The following B3GAT1 variants were observed in gnomAD, a reference collection of about 807,000 sequenced individuals.
B3GAT1 encodes galactosylgalactosylxylosylprotein 3-beta-glucuronosyltransferase 1.
Under a neutral mutation model 28.4 loss-of-function variants are expected in B3GAT1, and 11 were observed. The observed-to-expected ratio is 0.39, with a 90% confidence interval of 0.24 to 0.64. B3GAT1 has a LOEUF of 0.64. Among genes scored for constraint, B3GAT1 ranks in the 30% least tolerant of loss-of-function variants. The probability of loss-of-function intolerance (pLI) is 0.50; values close to 1 mark genes in which losing one functional copy is unlikely to be tolerated. For missense variants in B3GAT1, 375 were observed against 491.0 expected, an observed-to-expected ratio of 0.76 and a Z score of 2.23; for synonymous variants, 255 against 223.1, an observed-to-expected ratio of 1.14 and a Z score of -1.27.
chr11:134,399,320 C>CA (rs1944564088), intron 1 of B3GAT1, among the ~76,000 whole-genome samples: 1 of 152,224 alleles, frequency 6.6e-6, no homozygotes, highest in Non-Finnish European at 1.5e-5. Context: ...ACACACCAAC[C>CA]AACCTGCTCC....
Position 134,384,123 on chromosome 11 carries a change from C to G in B3GAT1, c.178G>C (p.Asp60His), listed in dbSNP as rs1451695136. Residue 60 changes from aspartate (D) to histidine (H), a missense_variant, in exon 3 of 6, where the codon GAC becomes CAC. Physicochemically the swap from Asp to His is moderately conservative, Grantham distance 81. Coordinates refer to ENST00000312527, the MANE Select transcript of B3GAT1 (RefSeq NM_054025.3). ...CGCACCACCTCCACGATGTCGCGGTCAGACGTGCAGTACTCCCTGGGGTCG... is the reference window on the plus strand; with the variant it reads ...CGCACCACCTCCACGATGTCGCGGTGAGACGTGCAGTACTCCCTGGGGTCG... ...GADPREYCTS[D>H]RDIVEVVRTE... 2 of 1,584,448 alleles carry G rather than the reference C, an allele frequency of 1.3e-6. No individual in the cohort carries two copies. Among genetic ancestry groups the G allele is most frequent in the Non-Finnish European group, 1.7e-6 (2 of 1,165,578 alleles).
chr11:134,392,256 ACCCATGGAACTGAGTCCTGACTTAAGGG>A (rs1466647983), intron 1 of B3GAT1: 18 of 151,344 alleles, frequency 1.2e-4, no homozygotes, highest in East Asian at 5.8e-4. Flanking sequence ...AAGGGCCAGC[ACCCATGGAACTGAGTCCTGACTTAAGGG>A]CCCGTGGAAC....
At chr11:134,394,087 G>T (rs138636459) in intron 1 of B3GAT1, among the ~76,000 whole-genome samples, 1 of 152,144 alleles carries the variant, frequency 6.6e-6, no homozygotes, top group Non-Finnish European at 1.5e-5. Context: ...AGCCCTGCTG[G>T]GGGGCAGGAC....
intron 1 of B3GAT1, among the ~76,000 whole-genome samples, chr11:134,404,344 G>A (rs1433601521): frequency 4.6e-5 from 7 of 152,042 alleles, no homozygotes; most frequent in Admixed American, 2.6e-4. Context: ...TCCAATGGCC[G>A]AGATGAGACA....
At position 134,381,718 on chromosome 11, in the gene B3GAT1, C is replaced by T. The variant is rs1944126850; in HGVS notation, c.*14+206G>A. The T allele has an allele frequency of 4.3e-5, 24 of 563,718 alleles. No individual in the cohort carries two copies. In the South Asian group the frequency reaches 5.3e-4, roughly 12 times the overall value. 34.9% of individuals were successfully genotyped at this position (563,718 alleles called of 1,614,324 possible). A position where few individuals can be genotyped will look rare whatever the true frequency, so the allele number is the denominator to read the frequency against. On this transcript the variant is annotated intron_variant, in intron 5 of 5. Transcript: ENST00000312527. ...TCTGAAGAGTCTGGTGGCAGAAGGACCCAGCTGCGTGGGTGAAAGTTAATG... is the reference window on the plus strand; with the variant it reads ...TCTGAAGAGTCTGGTGGCAGAAGGATCCAGCTGCGTGGGTGAAAGTTAATG...
At chr11:134,392,202 G>A (rs1171722114) in intron 1 of B3GAT1, 2 of 152,266 alleles carry the variant, frequency 1.3e-5, no homozygotes, top group Admixed American at 6.6e-5. Context: ...GTGGAACTGA[G>A]TCCTGACTTA....
At chr11:134,384,251 C>G in intron 2 of B3GAT1, 63 bp from the exon 3 acceptor site, 1 of 1,480,022 alleles carries the variant, frequency 6.8e-7, no homozygotes, top group East Asian at 2.4e-5. Flanking sequence ...GGATTCAGAG[C>G]GGGACGCCAC....
chr11:134,386,633 G>C (rs147620288), intron 2 of B3GAT1: 28 of 152,290 alleles, frequency 1.8e-4, no homozygotes, highest in Admixed American at 1.4e-3. Context: ...CACAGGAAAA[G>C]AAGAGAGGCA....
intron 1 of B3GAT1, among the ~76,000 whole-genome samples, chr11:134,406,076 C>T (rs965379015): frequency 1.1e-4 from 16 of 152,254 alleles, no homozygotes; most frequent in Admixed American, 5.9e-4. Context: ...GAGTTGCAGA[C>T]GCAGCTGGGA....
In B3GAT1 at chr11:134,382,784, A is replaced by G. The variant is rs1944164799; in HGVS notation, c.844T>C (p.Tyr282His). The change falls in exon 4 of 6, where the codon TAC (tyrosine) becomes CAC (histidine). Residue 282 changes from tyrosine (Y) to histidine (H), a missense_variant. Tyr to His is a moderately conservative substitution (Grantham distance 83). Transcript: ENST00000312527. The stretch of plus-strand genomic sequence containing the variant: ...TCTCGAAGGAGGCTGCTTTCCTGGT[A>G]GCCTCCCTTCACACCTCGCAGCTTG... ...YFKLRGVKGG[Y>H]QESSLLRELV... 6.2e-7 allele frequency: 1 copy of G among 1,614,056 alleles called. No homozygotes were observed. Among genetic ancestry groups the G allele is most frequent in the Non-Finnish European group, 8.5e-7 (1 of 1,180,024 alleles).
chr11:134,397,335 C>G (rs1944524606), intron 1 of B3GAT1, among the ~76,000 whole-genome samples: 1 of 152,220 alleles, frequency 6.6e-6, no homozygotes. Context: ...ACGTACCCAG[C>G]CTGGCACTCA....
intron 2 of B3GAT1, chr11:134,386,802 T>G (rs939491390): frequency 9.8e-5 from 15 of 152,306 alleles, no homozygotes; most frequent in Admixed American, 8.5e-4. Flanking sequence ...TGTGTATTAA[T>G]GATGTTTGTT....
chr11:134,383,124 C>CA, intron 3 of B3GAT1, 118 bp from the exon 4 acceptor site: 1 of 1,180,776 alleles, frequency 8.5e-7, no homozygotes, highest in Non-Finnish European at 1.2e-6. Flanking sequence ...CAGCCGCGGC[C>CA]ACCTAGGGGG....
Position 134,387,916 on chromosome 11 carries a change from G to T in B3GAT1, c.-257C>A, listed in dbSNP as rs1944329704. ...AAGGGGTCGCTGTCCAGGGGCAGGG[G>T]TCAGGAACCCTGGGGGGTGGACACC... On this transcript the variant is annotated 5_prime_UTR_variant, in exon 2 of 6. Transcript: ENST00000312527. 1 of 1,467,746 alleles carries T rather than the reference G, an allele frequency of 6.8e-7. No individual in the cohort carries two copies. The highest frequency in any genetic ancestry group is 9.1e-7 in the Non-Finnish European group (1 of 1,097,876). The allele number at this position is 1,467,746 out of a possible 1,614,324, so 90.9% of individuals were successfully genotyped here. A position where few individuals can be genotyped will look rare whatever the true frequency, so the allele number is the denominator to read the frequency against.
At chr11:134,402,904 C>T (rs1446962542) in intron 1 of B3GAT1, among the ~76,000 whole-genome samples, 2 of 144,952 alleles carry the variant, frequency 1.4e-5, no homozygotes, top group African/African-American at 5.4e-5. Context: ...CAGAGCGAGA[C>T]TCTGTTTCAA....
chr11:134,407,042 C>T (rs1591652925), intron 1 of B3GAT1, among the ~76,000 whole-genome samples: 1 of 152,256 alleles, frequency 6.6e-6, no homozygotes, highest in Non-Finnish European at 1.5e-5. Context: ...CTGCCGGGAA[C>T]GTTCTGTATC....
chr11:134,395,857 C>T (rs1944494965), intron 1 of B3GAT1, among the ~76,000 whole-genome samples: 1 of 152,192 alleles, frequency 6.6e-6, no homozygotes, highest in Admixed American at 6.5e-5. Flanking sequence ...GGTCAGGAGT[C>T]CAGGGTCTCA....
Position 134,404,008 on chromosome 11 carries a change from TATATATATATATATATATA to T in B3GAT1, c.-282+7780_-282+7798del, listed in dbSNP as rs1565459311. On this transcript the variant is annotated intron_variant, in intron 1 of 5. Transcript: ENST00000312527. ...TTATATATATATATATATATATATA[TATATATATATATATATATA>T]TATTTATTATACGTTAAGTTCTAGG... is the stretch of plus-strand genomic sequence containing the variant. 5.8e-3 allele frequency among the ~76,000 whole-genome samples: 566 copies of T among 97,992 alleles called. 6 individuals are homozygous for T. Among genetic ancestry groups the T allele is most frequent in the African/African-American group, 6.5e-3 (181 of 27,764 alleles). The allele number at this position is 97,992 out of a possible 152,430, so 64.3% of individuals were successfully genotyped here. A position where few individuals can be genotyped will look rare whatever the true frequency, so the allele number is the denominator to read the frequency against.
At position 134,383,756 on chromosome 11, in the gene B3GAT1, G is replaced by C. The variant is rs1206376483; in HGVS notation, c.545C>G (p.Pro182Arg). 6.3e-7 allele frequency: 1 copy of C among 1,596,180 alleles called. No individual in the cohort carries two copies. Among genetic ancestry groups the C allele is most frequent in the Middle Eastern group, 1.7e-4 (1 of 6,022 alleles). The change falls in exon 3 of 6, where the codon CCG becomes CGG. Residue 182 changes from proline (P) to arginine (R), a missense_variant. Coordinates refer to ENST00000312527, the MANE Select transcript of B3GAT1 (RefSeq NM_054025.3). ...LALRWLRETF[P>R]RNSSQPGVVY... ...CACGCCAGGCTGGCTGGAGTTGCGC[G>C]GGAAGGTCTCGCGCAGCCAGCGCAG... is the stretch of plus-strand genomic sequence containing the variant.
Sources: allele counts gnomAD v4.1 joint callset (sites outside exome capture counted in the v4.1 genomes callset), GRCh38; gene constraint gnomAD v4.1.1; transcripts MANE v1.5; gene names NCBI Gene and HGNC (gene_info 2026-07-23, HGNC 2026-07-21).